The following MARK2 variants were observed in gnomAD, a reference collection of about 807,000 sequenced individuals.
MARK2 encodes microtubule affinity regulating kinase 2.
Under a neutral mutation model 89.8 loss-of-function variants are expected in MARK2, and 16 were observed. The ratio of observed to expected loss-of-function variants is 0.18; its 90% CI spans 0.12 to 0.27. The LOEUF (loss-of-function observed/expected upper bound fraction) is 0.27, where lower values mean the gene tolerates loss of function less well. Among genes scored for constraint, MARK2 ranks in the 10% least tolerant of loss-of-function variants. MARK2 has a pLI of 1.00. For synonymous variants in MARK2, 382 were observed against 399.5 expected (o/e 0.96, Z 0.52); for missense variants, 621 against 1,049.9 (o/e 0.59, Z 5.65).
chr11:63,847,088 A>G (rs1474695657), intron 1 of MARK2, among the ~76,000 whole-genome samples: 1 of 152,208 alleles, frequency 6.6e-6, no homozygotes, highest in Non-Finnish European at 1.5e-5. Context: ...ATGCCACTGC[A>G]TTCCAGCCTG....
Position 63,902,272 on chromosome 11 carries a change from C to T in MARK2, c.1176C>T (p.Ser392=), listed in dbSNP as rs774311893. ...CCAATAGCAGCGCCCCATCCCCATCCCACAAGGTACAGCGCAGCGTGTCGG... is the reference window on the plus strand; with the variant it reads ...CCAATAGCAGCGCCCCATCCCCATCTCACAAGGTACAGCGCAGCGTGTCGG... The part of the protein sequence containing the change: ...DLTNSSAPSP[S]HKVQRSVSAN... Residue 392 remains serine (S), a synonymous_variant, in exon 12 of 19, where the codon TCC becomes TCT. Transcript: ENST00000402010. This position sits in a 1 kb window ranked among gnomAD's most constrained non-coding sequence, Gnocchi z 4.2. 2 of 1,614,160 alleles carry T rather than the reference C, an allele frequency of 1.2e-6. No homozygotes were observed. The highest frequency in any genetic ancestry group is 1.1e-5 in the South Asian group (1 of 91,092).
At position 63,902,775 on chromosome 11, in the gene MARK2, C is replaced by T. The variant is rs779836944; in HGVS notation, c.1409C>T (p.Pro470Leu). ...GLERKKTTPT[P>L]STNSVLSTST... is the part of the protein sequence containing the mutation. ...GAGAGGAAGAAGACCACCCCAACCC[C>T]CTCCACGGTGAGCCGCACCCCCCGC... Residue 470 changes from proline to leucine, a missense_variant, in exon 13 of 19, where the codon CCC (proline) becomes CTC (leucine). By Grantham distance (98) the Pro-to-Leu change is moderately conservative. Coordinates refer to ENST00000402010, the MANE Select transcript of MARK2 (RefSeq NM_001039469.3). This position sits in a 1 kb window ranked among gnomAD's most constrained non-coding sequence, Gnocchi z 4.2. 1.2e-6 allele frequency: 2 copies of T among 1,611,064 alleles called. No individual in the cohort carries two copies. Among genetic ancestry groups the T allele is most frequent in the East Asian group, 2.2e-5 (1 of 44,862 alleles).
chr11:63,901,473 C>CTTTT (rs35231498), intron 11 of MARK2, among the ~76,000 whole-genome samples: 23,143 of 57,650 alleles, frequency 0.4, 7,714 homozygotes, highest in South Asian at 0.5. Flanking sequence ...GAGTCTGTTG[C>CTTTT]TTTTTTTTTT....
intron 1 of MARK2, among the ~76,000 whole-genome samples, chr11:63,866,459 CTG>C (rs951880619): frequency 1.3e-5 from 2 of 152,008 alleles, no homozygotes; most frequent in African/African-American, 4.8e-5. Context: ...CAAATACAGA[CTG>C]TTAAAACCAA....
intron 1 of MARK2, among the ~76,000 whole-genome samples, chr11:63,867,913 C>G (rs1038258054): frequency 4.6e-5 from 7 of 152,076 alleles, no homozygotes; most frequent in African/African-American, 1.2e-4. Context: ...AACTTCAGTT[C>G]GTGGATTTGG....
chr11:63,888,392 T>G, intron 1 of MARK2: 1 of 314,764 alleles, frequency 3.2e-6, no homozygotes, highest in Non-Finnish European at 4.6e-6. Flanking sequence ...AGCTAGGGTT[T>G]TATGACAGCC....
At chr11:63,855,864 G>T (rs1232630974) in intron 1 of MARK2, among the ~76,000 whole-genome samples, 1 of 152,150 alleles carries the variant, frequency 6.6e-6, no homozygotes, top group African/African-American at 2.4e-5. Context: ...CTCTTGTGGT[G>T]AAATTTCATT....
At chr11:63,839,757 A>G (rs970027957) in intron 1 of MARK2, among the ~76,000 whole-genome samples, 197 bp downstream of exon 1, 1 of 142,076 alleles carries the variant, frequency 7.0e-6, no homozygotes, top group African/African-American at 2.8e-5. Context: ...CCTGACTCCA[A>G]GCTGCACACT....
At chr11:63,906,064 T>C in intron 16 of MARK2, 24 bp from the exon 17 acceptor site, 1 of 1,352,818 alleles carries the variant, frequency 7.4e-7, no homozygotes, top group Non-Finnish European at 9.5e-7. Flanking sequence ...TTTTATTTTG[T>C]CTTTTTTTTG....
intron 1 of MARK2, among the ~76,000 whole-genome samples, chr11:63,880,900 G>A (rs1939047597): frequency 1.3e-5 from 2 of 152,264 alleles, no homozygotes; most frequent in African/African-American, 4.8e-5. Flanking sequence ...GTTGGTCCCA[G>A]AGACCGTCAT....
chr11:63,864,411 G>A (rs1315915047), intron 1 of MARK2, among the ~76,000 whole-genome samples: 3 of 151,714 alleles, frequency 2.0e-5, no homozygotes, highest in Admixed American at 6.6e-5. Context: ...CACCACCACC[G>A]GCTAATTTTT....
At chr11:63,859,469 C>T (rs1207690031) in intron 1 of MARK2, among the ~76,000 whole-genome samples, 8 of 151,162 alleles carry the variant, frequency 5.3e-5, no homozygotes, top group South Asian at 2.1e-4. Context: ...TGCAGGTGCC[C>T]GCCAGTATAC....
In MARK2 at chr11:63,839,485, C is replaced by A; in HGVS notation, c.-22C>A. 6.7e-7 allele frequency: 1 copy of A among 1,488,034 alleles called. No individual in the cohort carries two copies. 92.2% of individuals were successfully genotyped at this position (1,488,034 alleles called of 1,614,324 possible). A position where few individuals can be genotyped will look rare whatever the true frequency, so the allele number is the denominator to read the frequency against. ...TCCCTTCCTCCAAGCTTCTCGGTTC[C>A]CTCCCCCGAGATACCGGCGCCATGT... is the stretch of plus-strand genomic sequence containing the variant. On this transcript the variant is annotated 5_prime_UTR_variant, in exon 1 of 19. Coordinates refer to ENST00000402010, the MANE Select transcript of MARK2 (RefSeq NM_001039469.3).
chr11:63,889,804 AG>A (rs1443419704), intron 1 of MARK2, among the ~76,000 whole-genome samples: 1 of 152,232 alleles, frequency 6.6e-6, no homozygotes. Context: ...AGGCTACTTG[AG>A]AGCCATAGGG....
intron 1 of MARK2, among the ~76,000 whole-genome samples, chr11:63,863,985 G>T (rs61886127): frequency 0.037 from 5,550 of 150,956 alleles, 173 homozygotes; most frequent in South Asian, 0.17. Context: ...ACTGAGTCTC[G>T]CTTTGTCGCC....
At chr11:63,890,415 T>C (rs1939749243) in intron 1 of MARK2, 1 of 453,264 alleles carries the variant, frequency 2.2e-6, no homozygotes, top group Non-Finnish European at 4.0e-6. Flanking sequence ...TTGTTGCTTC[T>C]CTGGCTCCTG....
At chr11:63,857,815 T>G (rs2016943150) in intron 1 of MARK2, among the ~76,000 whole-genome samples, 1 of 152,166 alleles carries the variant, frequency 6.6e-6, no homozygotes, top group Non-Finnish European at 1.5e-5. Flanking sequence ...GGTTTGGTTC[T>G]CCATGACTTT....
intron 1 of MARK2, among the ~76,000 whole-genome samples, chr11:63,877,431 C>T (rs1273948361): frequency 2.6e-5 from 4 of 152,060 alleles, no homozygotes; most frequent in Non-Finnish European, 5.9e-5. Flanking sequence ...TCATAGGATG[C>T]TGAAAGGATG....
chr11:63,885,789 G>A (rs920791978), intron 1 of MARK2, among the ~76,000 whole-genome samples: 26 of 150,968 alleles, frequency 1.7e-4, no homozygotes, highest in African/African-American at 4.4e-4. Context: ...AGCCGAGATC[G>A]CACCACTGCA....
Sources: gnomAD v4.1 joint callset for allele counts (sites outside exome capture counted in the v4.1 genomes callset) on GRCh38, gnomAD v4.1.1 for gene constraint, Gnocchi (gnomAD v3.1) non-coding constraint, MANE v1.5 for transcripts, NCBI Gene and HGNC (gene_info 2026-07-23, HGNC 2026-07-21) for gene names.